NLK: variants seen among roughly 807,000 people sequenced by gnomAD.
NLK encodes the protein serine/threonine-protein kinase NLK.
A neutral mutation model predicts 59.0 loss-of-function variants in NLK; 11 were observed. The observed-to-expected ratio is 0.19, with a 90% CI of 0.12 to 0.31. The LOEUF (loss-of-function observed/expected upper bound fraction) is 0.31. Among genes scored for constraint, NLK ranks in the 10% least tolerant of loss-of-function variants. NLK has a pLI of 1.00. For missense variants in NLK, 410 were observed against 661.1 expected (o/e 0.62, Z 4.16); for synonymous variants, 235 against 235.9 (o/e 1.00, Z 0.03).
At chr17:28,196,748 C>T (rs1484038400), downstream of NLK, among the ~76,000 whole-genome samples, 1 of 152,106 alleles carries the variant, frequency 6.6e-6, no homozygotes, top group African/African-American at 2.4e-5. Flanking sequence ...AGGGACTTGA[C>T]ACCTCCCTCC....
chr17:28,063,298 CAGTG>C (rs1205724841), intron 1 of NLK, among the ~76,000 whole-genome samples: 6 of 152,200 alleles, frequency 3.9e-5, no homozygotes, highest in Admixed American at 6.5e-5. Context: ...TCTGATAACA[CAGTG>C]AGAACATCTT....
chr17:28,177,910 C>T (rs566849559), intron 7 of NLK, among the ~76,000 whole-genome samples: 1 of 152,244 alleles, frequency 6.6e-6, no homozygotes, highest in African/African-American at 2.4e-5. Context: ...GGTAACTTGT[C>T]ACCATATGAC....
downstream of NLK, among the ~76,000 whole-genome samples, chr17:28,196,688 A>G (rs181129258): frequency 1.1e-4 from 16 of 152,304 alleles, no homozygotes; most frequent in South Asian, 4.1e-4. Flanking sequence ...TTGGAGTCCA[A>G]TATATTAAAT....
intron 3 of NLK, among the ~76,000 whole-genome samples, chr17:28,135,459 A>G (rs1906703994): frequency 6.6e-6 from 1 of 152,236 alleles, no homozygotes; most frequent in Non-Finnish European, 1.5e-5. Context: ...AAAGACAGGT[A>G]TTCACCGTAT....
chr17:28,118,426 G>A (rs1567718803), intron 1 of NLK, among the ~76,000 whole-genome samples: 1 of 152,120 alleles, frequency 6.6e-6, no homozygotes, highest in Non-Finnish European at 1.5e-5. Context: ...TTTTAAAACT[G>A]CTAACACATG....
intron 3 of NLK, among the ~76,000 whole-genome samples, chr17:28,133,779 C>G (rs1323784527): frequency 6.6e-6 from 1 of 151,994 alleles, no homozygotes; most frequent in Non-Finnish European, 1.5e-5. Context: ...GAATGGAAAC[C>G]AATGTAATAG....
chr17:28,080,610 G>T (rs1324237242), intron 1 of NLK, among the ~76,000 whole-genome samples: 3 of 152,196 alleles, frequency 2.0e-5, no homozygotes, highest in Non-Finnish European at 4.4e-5. Context: ...TGCTGCTCAT[G>T]AAGTGAGAAA....
downstream of NLK, among the ~76,000 whole-genome samples, chr17:28,200,312 A>G (rs898321182): frequency 4.6e-5 from 7 of 151,994 alleles, no homozygotes; most frequent in Admixed American, 3.9e-4. Flanking sequence ...TATATGATCC[A>G]TTTTGAGCTA....
intron 1 of NLK, among the ~76,000 whole-genome samples, chr17:28,070,378 C>T (rs550249396): frequency 8.1e-6 from 1 of 123,956 alleles, no homozygotes; most frequent in East Asian, 2.5e-4. Context: ...TTTTTTGAGA[C>T]GGAATCTCGC....
chr17:28,197,547 A>G (rs1388913774), downstream of NLK, among the ~76,000 whole-genome samples: 1 of 151,876 alleles, frequency 6.6e-6, no homozygotes, highest in Non-Finnish European at 1.5e-5. Context: ...TCTTACTGGA[A>G]CCTACTTAGA....
chr17:28,086,252 A>T (rs1243497800), intron 1 of NLK, among the ~76,000 whole-genome samples: 1 of 152,220 alleles, frequency 6.6e-6, no homozygotes, highest in Non-Finnish European at 1.5e-5. Context: ...TCTCAGAGGC[A>T]AAGAAAAACA....
chr17:28,180,000 G>A (rs1280900166), intron 7 of NLK, among the ~76,000 whole-genome samples: 2 of 149,570 alleles, frequency 1.3e-5, no homozygotes, highest in Non-Finnish European at 3.0e-5. Flanking sequence ...TGGTGAGTTA[G>A]TGGGAAGAAA....
At position 28,071,146 on chromosome 17, in the gene NLK, G is replaced by A. The variant is rs76789977; in HGVS notation, c.458+27815G>A. Among the ~76,000 whole-genome samples, 578 of 152,318 alleles carry A rather than the reference G, an allele frequency of 3.8e-3. 20 individuals are homozygous for A. In the East Asian group the frequency reaches 0.073, roughly 19 times the overall value. On this transcript the variant is annotated intron_variant, in intron 1 of 10. Transcript: ENST00000407008. ...GATAATCAAAAAATGTCTACAGACA[G>A]TACCAAATGTCCCCTAGGGAACAAA...
intron 1 of NLK, among the ~76,000 whole-genome samples, chr17:28,101,519 A>AT (rs995743232): frequency 7.2e-5 from 11 of 151,856 alleles, no homozygotes; most frequent in South Asian, 6.2e-4. Flanking sequence ...ATTTGTGAGT[A>AT]TTTTTTTTGT....
chr17:28,199,163 T>C (rs1478619059), downstream of NLK, among the ~76,000 whole-genome samples: 1 of 152,212 alleles, frequency 6.6e-6, no homozygotes, highest in Non-Finnish European at 1.5e-5. Flanking sequence ...GGGGAAAATA[T>C]ATTTAAAGCA....
intron 3 of NLK, among the ~76,000 whole-genome samples, chr17:28,143,886 G>A (rs574849601): frequency 2.1e-4 from 32 of 152,278 alleles, no homozygotes; most frequent in Admixed American, 5.9e-4. Context: ...TATTAAAAGC[G>A]TTTATTCAGC....
chr17:28,095,235 C>T lies in NLK; in HGVS notation c.459-27368C>T, dbSNP rs189076386. Among the ~76,000 whole-genome samples the T allele has an allele frequency of 3.9e-5, 6 of 152,248 alleles. No individual in the cohort carries two copies. In the East Asian group the frequency reaches 1.2e-3, roughly 29 times the overall value. Reference sequence around the variant, plus strand: ...GTTGCTGCCTTTCTGTGCTAGTCCTCCTGCTTTATCCCCATATTTCCCCTC... The same window carrying T: ...GTTGCTGCCTTTCTGTGCTAGTCCTTCTGCTTTATCCCCATATTTCCCCTC... On this transcript the variant is annotated intron_variant, in intron 1 of 10. Coordinates refer to ENST00000407008, the MANE Select transcript of NLK (RefSeq NM_016231.5).
chr17:28,109,432 A>C (rs544852490), intron 1 of NLK, among the ~76,000 whole-genome samples: 1 of 152,308 alleles, frequency 6.6e-6, no homozygotes, highest in African/African-American at 2.4e-5. Context: ...TATGTAATTC[A>C]GTGACTTTTA....
Position 28,191,160 on chromosome 17 carries a change from C to T in NLK, c.1376C>T (p.Thr459Ile), listed in dbSNP as rs748101121. The change falls in exon 9 of 11, where the codon ACC (threonine) becomes ATC (isoleucine). Residue 459 changes from threonine (T) to isoleucine (I), a missense_variant. By Grantham distance (89) the Thr-to-Ile change is moderately conservative. Coordinates refer to ENST00000407008, the MANE Select transcript of NLK (RefSeq NM_016231.5). Reference sequence around the variant, plus strand: ...TATACCAGTGACTTTGAGCCTGTCACCAATCCCAAATTTGATGACACTTTC... The same window carrying T: ...TATACCAGTGACTTTGAGCCTGTCATCAATCCCAAATTTGATGACACTTTC... ...RVYTSDFEPV[T>I]NPKFDDTFEK... The T allele has an allele frequency of 1.2e-6, 2 of 1,613,514 alleles. No individual in the cohort carries two copies. Among genetic ancestry groups the T allele is most frequent in the Admixed American group, 1.7e-5 (1 of 59,862 alleles).
Sources: allele counts gnomAD v4.1 joint callset (sites outside exome capture counted in the v4.1 genomes callset), GRCh38; gene constraint gnomAD v4.1.1; transcripts MANE v1.5; gene names NCBI Gene and HGNC (gene_info 2026-07-23, HGNC 2026-07-21).